The following XIRP2 variants were observed in gnomAD, a reference collection of about 807,000 sequenced individuals.
XIRP2 encodes xin actin-binding repeat-containing protein 2.
A neutral mutation model predicts 277.0 loss-of-function variants in XIRP2; 236 were observed. The ratio of observed to expected loss-of-function variants is 0.85; its 90% CI spans 0.77 to 0.95. The LOEUF is 0.95. Among genes scored for constraint, XIRP2 ranks in the 40% least tolerant of loss-of-function variants. The pLI is 0.00. For missense variants in XIRP2, 4,640 were observed against 4,157.5 expected (o/e 1.12, Z -3.19); for synonymous variants, 1,490 against 1,416.5 (o/e 1.05, Z -1.17).
chr2:167,041,024 C>G (rs1035939939), intron 2 of XIRP2, among the ~76,000 whole-genome samples: 1 of 152,128 alleles, frequency 6.6e-6, no homozygotes, highest in African/African-American at 2.4e-5. Flanking sequence ...AGTGTTGTTG[C>G]CAGCAGATCA....
At chr2:167,012,299 T>C (rs1340441426) in intron 2 of XIRP2, among the ~76,000 whole-genome samples, 1 of 151,958 alleles carries the variant, frequency 6.6e-6, no homozygotes, top group African/African-American at 2.4e-5. Context: ...TCTTTATTTC[T>C]GCCTTCACTT....
At chr2:167,006,660 AG>A (rs1398506686) in intron 2 of XIRP2, among the ~76,000 whole-genome samples, 1 of 151,732 alleles carries the variant, frequency 6.6e-6, no homozygotes, top group Non-Finnish European at 1.5e-5. Context: ...ATCCTTGGGG[AG>A]CAAAGTAGAC....
At chr2:166,937,917 T>C (rs1685567307) in intron 2 of XIRP2, among the ~76,000 whole-genome samples, 1 of 152,220 alleles carries the variant, frequency 6.6e-6, no homozygotes, top group South Asian at 2.1e-4. Flanking sequence ...TGGTATTTTG[T>C]ATTTCTGTGG....
At chr2:166,985,148 A>T (rs1244796303) in intron 2 of XIRP2, among the ~76,000 whole-genome samples, 2 of 152,224 alleles carry the variant, frequency 1.3e-5, no homozygotes, top group African/African-American at 4.8e-5. Flanking sequence ...TGCTAAACAC[A>T]TACTACAATT....
chr2:166,912,147 A>T (rs975256436), intron 2 of XIRP2, among the ~76,000 whole-genome samples: 2 of 152,022 alleles, frequency 1.3e-5, no homozygotes, highest in African/African-American at 2.4e-5. Context: ...GAATTTGAAT[A>T]TTGGCCTGCC....
intron 3 of XIRP2, among the ~76,000 whole-genome samples, chr2:167,204,922 A>G (rs1447601263): frequency 2.6e-5 from 4 of 152,124 alleles, no homozygotes; most frequent in Non-Finnish European, 4.4e-5. Context: ...CTCTTTAGCC[A>G]TCTGGTATTT....
chr2:167,183,876 T>C (rs572628524), intron 3 of XIRP2, among the ~76,000 whole-genome samples: 5 of 152,314 alleles, frequency 3.3e-5, no homozygotes, highest in African/African-American at 1.2e-4. Context: ...ATATTAAATC[T>C]TTCCTCTGCT....
chr2:167,116,892 T>C (rs1690911624), intron 2 of XIRP2, among the ~76,000 whole-genome samples: 1 of 152,194 alleles, frequency 6.6e-6, no homozygotes. Flanking sequence ...TAAGTAAGCA[T>C]GTTTTATAGA....
chr2:166,952,240 C>G (rs1190457266), intron 2 of XIRP2, among the ~76,000 whole-genome samples: 1 of 151,914 alleles, frequency 6.6e-6, no homozygotes, highest in Non-Finnish European at 1.5e-5. Context: ...TACATTCGTC[C>G]GGTGGATGAG....
intron 3 of XIRP2, among the ~76,000 whole-genome samples, chr2:167,210,307 A>T (rs1693986805): frequency 6.6e-6 from 1 of 152,206 alleles, no homozygotes; most frequent in South Asian, 2.1e-4. Context: ...ATCCTTGGAA[A>T]GTTTTTTAAT....
intron 2 of XIRP2, among the ~76,000 whole-genome samples, chr2:166,967,865 T>C (rs1181054118): frequency 6.6e-6 from 1 of 151,926 alleles, no homozygotes; most frequent in African/African-American, 2.4e-5. Context: ...TTTTCCTCCA[T>C]CTTATAATTC....
chr2:166,935,729 A>G (rs944576579), intron 2 of XIRP2, among the ~76,000 whole-genome samples: 3 of 152,202 alleles, frequency 2.0e-5, no homozygotes, highest in Non-Finnish European at 4.4e-5. Context: ...ATGTCCCTAC[A>G]AAGGACATGA....
At chr2:166,961,156 G>A (rs1023462574) in intron 2 of XIRP2, among the ~76,000 whole-genome samples, 1 of 151,652 alleles carries the variant, frequency 6.6e-6, no homozygotes, top group African/African-American at 2.4e-5. Context: ...CCTCACTTCT[G>A]GGTGAAGAGA....
intron 2 of XIRP2, among the ~76,000 whole-genome samples, chr2:167,042,049 G>T (rs549081997): frequency 1.5e-4 from 23 of 152,222 alleles, no homozygotes; most frequent in African/African-American, 5.1e-4. Context: ...CATCTTTAAA[G>T]AAAAGAAATT....
chr2:167,251,875 G>A lies in XIRP2; in HGVS notation c.10483G>A (p.Gly3495Arg), dbSNP rs1307409351. 3.7e-6 allele frequency: 6 copies of A among 1,608,206 alleles called. No individual in the cohort carries two copies. The highest frequency in any genetic ancestry group is 4.2e-6 in the Non-Finnish European group (5 of 1,177,870). Reference protein sequence around the residue: ...QESGRVFKGLGYATADASATE... With the variant: ...QESGRVFKGLRYATADASATE... Reference sequence around the variant, plus strand: ...GAGTGGAAGAGTTTTTAAAGGCCTGGGATATGCAACCGCAGATGCTTCTGC... The same window carrying A: ...GAGTGGAAGAGTTTTTAAAGGCCTGAGATATGCAACCGCAGATGCTTCTGC... The change falls in exon 9 of 11, where the codon GGA becomes AGA. Residue 3495 changes from glycine (G) to arginine (R), a missense_variant. Gly to Arg is a moderately radical substitution (Grantham distance 125, BLOSUM62 -2). Transcript: ENST00000409195.
At chr2:166,903,998 TG>T (rs1397711999) in intron 2 of XIRP2, 108 bp downstream of exon 2, 2 of 1,313,956 alleles carry the variant, frequency 1.5e-6, no homozygotes, top group African/African-American at 3.0e-5. Context: ...TCTAGACAGA[TG>T]TCCTGAAGCC....
intron 3 of XIRP2, among the ~76,000 whole-genome samples, chr2:167,160,524 A>T (rs1692332293): frequency 6.6e-6 from 1 of 152,206 alleles, no homozygotes; most frequent in Non-Finnish European, 1.5e-5. Flanking sequence ...GGTGAAAGGC[A>T]CATCTCACAC....
chr2:166,888,664 T>G (rs1035308778), intron 1 of XIRP2, 107 bp downstream of exon 1: 2 of 152,214 alleles, frequency 1.3e-5, no homozygotes, highest in Non-Finnish European at 2.9e-5. Flanking sequence ...CTCTCCCTAT[T>G]TCTTTTAAGT....
In XIRP2 at chr2:167,246,077, A is replaced by G; in HGVS notation, c.4685A>G (p.Gln1562Arg). ...IKETLEDLYS[Q>R]KVIQAPGIII... is the part of the protein sequence containing the mutation. ...GAAACCTTAGAAGATCTCTACTCTC[A>G]AAAAGTTATCCAGGCTCCTGGAATC... Residue 1562 changes from glutamine (Q) to arginine (R), a missense_variant, in exon 9 of 11, where the codon CAA becomes CGA. By Grantham distance (43) the Gln-to-Arg change is conservative. Transcript: ENST00000409195. The G allele has an allele frequency of 6.2e-7, 1 of 1,613,662 alleles. No individual in the cohort carries two copies. Among genetic ancestry groups the G allele is most frequent in the East Asian group, 2.2e-5 (1 of 44,832 alleles).
Sources: allele counts gnomAD v4.1 joint callset (sites outside exome capture counted in the v4.1 genomes callset), GRCh38; gene constraint gnomAD v4.1.1; transcripts MANE v1.5; gene names NCBI Gene and HGNC (gene_info 2026-07-23, HGNC 2026-07-21).